CDK14: variants seen among roughly 807,000 people sequenced by gnomAD.
CDK14 encodes cyclin dependent kinase 14, also known as cyclin-dependent kinase 14.
CDK14 carries 34 observed loss-of-function variants against 60.7 expected under a neutral mutation model. That is an observed-to-expected ratio of 0.56 (90% CI 0.43 to 0.75). The LOEUF (loss-of-function observed/expected upper bound fraction) is 0.75. Ranked by LOEUF, CDK14 falls within the 30% of genes least tolerant of loss-of-function variation. CDK14 has a pLI of 0.00. For synonymous variants in CDK14, 197 were observed against 203.7 expected (o/e 0.97, Z 0.28); for missense variants, 482 against 564.1 (o/e 0.85, Z 1.47).
chr7:90,649,264 C>CTTTGTTTG (rs1563029666), intron 2 of CDK14, among the ~76,000 whole-genome samples: 10 of 47,652 alleles, frequency 2.1e-4, no homozygotes, highest in Middle Eastern at 0.01. Flanking sequence ...TTCTTTCTTT[C>CTTTGTTTG]TTTCTTTCTT....
intron 3 of CDK14, among the ~76,000 whole-genome samples, chr7:90,736,350 G>GTTTTTTTTTTTTTTTT (rs869290471): frequency 2.0e-5 from 1 of 50,314 alleles, no homozygotes; most frequent in Non-Finnish European, 3.7e-5. Flanking sequence ...TTATGTTTTT[G>GTTTTTTTTTTTTTTTT]TTTTTTTTTT....
At chr7:90,906,568 T>C (rs1792713114) in intron 7 of CDK14, among the ~76,000 whole-genome samples, 2 of 152,134 alleles carry the variant, frequency 1.3e-5, no homozygotes, top group Non-Finnish European at 1.5e-5. Flanking sequence ...CATGACAGTA[T>C]ATATAAACAT....
At chr7:90,920,901 A>G (rs1171548031) in intron 8 of CDK14, among the ~76,000 whole-genome samples, 1 of 152,172 alleles carries the variant, frequency 6.6e-6, no homozygotes, top group Non-Finnish European at 1.5e-5. Context: ...TAAACAGTAT[A>G]CAGCTCTGAA....
At chr7:91,166,319 TGG>T (rs1801345556) in intron 14 of CDK14, among the ~76,000 whole-genome samples, 1 of 152,312 alleles carries the variant, frequency 6.6e-6, no homozygotes, top group African/African-American at 2.4e-5. Context: ...ATCATCCCAG[TGG>T]ACCTGACCTA....
At chr7:91,143,975 T>C (rs927687453) in intron 14 of CDK14, among the ~76,000 whole-genome samples, 3 of 152,132 alleles carry the variant, frequency 2.0e-5, no homozygotes, top group African/African-American at 7.2e-5. Context: ...TATCAACTGG[T>C]CTTTTTATTC....
rs367562985 is a variant in CDK14 at position 90,643,957 on chromosome 7, C to T, written c.123+39708C>T. ...TCCCTTCAAAATTCGTATATTGAAG[C>T]GCCAGTCTCCAATGTGACTGTATTT... On this transcript the variant is annotated intron_variant, in intron 2 of 14. Transcript: ENST00000380050. Among the ~76,000 whole-genome samples the T allele has an allele frequency of 7.9e-5, 12 of 152,218 alleles. No individual in the cohort carries two copies. In the East Asian group the frequency reaches 1.3e-3, roughly 17 times the overall value.
At chr7:90,684,585 A>G (rs1434901108) in intron 2 of CDK14, among the ~76,000 whole-genome samples, 1 of 152,230 alleles carries the variant, frequency 6.6e-6, no homozygotes. Flanking sequence ...CACTTCCTCT[A>G]GTGTCCTGTC....
At chr7:90,692,358 T>C (rs922421319) in intron 2 of CDK14, among the ~76,000 whole-genome samples, 1 of 152,346 alleles carries the variant, frequency 6.6e-6, no homozygotes, top group African/African-American at 2.4e-5. Flanking sequence ...GGCTGTGTGT[T>C]TATTTCAAAA....
chr7:91,011,026 G>T (rs143379004), intron 10 of CDK14, among the ~76,000 whole-genome samples: 1 of 151,682 alleles, frequency 6.6e-6, no homozygotes, highest in Non-Finnish European at 1.5e-5. Flanking sequence ...GTTTTTTGTC[G>T]ATTCCCTTTA....
chr7:90,871,802 G>T (rs1287816248), intron 6 of CDK14, among the ~76,000 whole-genome samples: 2 of 152,196 alleles, frequency 1.3e-5, no homozygotes, highest in East Asian at 1.9e-4. Context: ...TAAGATGTCA[G>T]ATACTTCGTG....
intron 8 of CDK14, among the ~76,000 whole-genome samples, chr7:90,946,969 A>G (rs966529716): frequency 3.9e-5 from 6 of 152,166 alleles, no homozygotes; most frequent in African/African-American, 1.4e-4. Flanking sequence ...TCCATTTTAA[A>G]ACAAAACAAA....
At chr7:90,686,794 T>G (rs1801446110) in intron 2 of CDK14, among the ~76,000 whole-genome samples, 1 of 152,098 alleles carries the variant, frequency 6.6e-6, no homozygotes, top group African/African-American at 2.4e-5. Context: ...AGATAAAGAT[T>G]TGTTGGGAGA....
At chr7:90,847,447 C>A (rs893266469) in intron 5 of CDK14, among the ~76,000 whole-genome samples, 1 of 152,040 alleles carries the variant, frequency 6.6e-6, no homozygotes, top group Admixed American at 6.6e-5. Context: ...AAAAATTAAA[C>A]TAAATAATTA....
chr7:90,825,897 T>C (rs1238361472), intron 5 of CDK14, among the ~76,000 whole-genome samples: 1 of 152,212 alleles, frequency 6.6e-6, no homozygotes, highest in South Asian at 2.1e-4. Context: ...TGTAGTGTGG[T>C]AGTTATGTCT....
At chr7:90,942,418 G>A (rs758707) in intron 8 of CDK14, among the ~76,000 whole-genome samples, 150,058 of 152,330 alleles carry the variant, frequency 0.99, 73,950 homozygotes, top group East Asian at 1. Flanking sequence ...AGAAGAAATG[G>A]GTTGAGAAAT....
intron 8 of CDK14, among the ~76,000 whole-genome samples, chr7:90,920,085 T>C (rs974150852): frequency 1.3e-5 from 2 of 152,242 alleles, no homozygotes; most frequent in Non-Finnish European, 2.9e-5. Flanking sequence ...TGTCTTTTAA[T>C]TTAAGACATG....
intron 14 of CDK14, among the ~76,000 whole-genome samples, chr7:91,157,875 T>G (rs1801030635): frequency 6.6e-6 from 1 of 152,016 alleles, no homozygotes; most frequent in South Asian, 2.1e-4. Flanking sequence ...TGTCATCCAG[T>G]GCCGAGTCCC....
At chr7:91,174,800 G>T (rs1189240074) in intron 14 of CDK14, among the ~76,000 whole-genome samples, 4 of 76,156 alleles carry the variant, frequency 5.3e-5, no homozygotes, top group Non-Finnish European at 9.7e-5. Context: ...AGAAATATGG[G>T]ACTATGTGAA....
At chr7:90,963,776 C>T (rs555600997) in intron 9 of CDK14, among the ~76,000 whole-genome samples, 78 of 133,104 alleles carry the variant, frequency 5.9e-4, no homozygotes, top group African/African-American at 2.0e-3. Context: ...AGTGCAATGG[C>T]GCGATCTCAG....
Sources: allele counts gnomAD v4.1 joint callset (sites outside exome capture counted in the v4.1 genomes callset), GRCh38; gene constraint gnomAD v4.1.1; transcripts MANE v1.5; gene names NCBI Gene and HGNC (gene_info 2026-07-23, HGNC 2026-07-21).